The following PBX1 variants were observed in gnomAD, a reference collection of about 807,000 sequenced individuals.
PBX1 encodes the protein PBX homeobox 1, also known as pre-B-cell leukemia transcription factor 1.
Under a neutral mutation model 53.4 loss-of-function variants are expected in PBX1, and 6 were observed. The observed-to-expected ratio is 0.11, with a 90% CI of 0.06 to 0.22. PBX1 has a LOEUF of 0.22. Ranked by LOEUF, PBX1 falls within the 10% of genes least tolerant of loss-of-function variation. The pLI is 1.00. For missense variants in PBX1, 251 were observed against 551.4 expected, an observed-to-expected ratio of 0.46 and a Z score of 5.46; for synonymous variants, 204 against 212.3, an observed-to-expected ratio of 0.96 and a Z score of 0.34.
chr1:164,709,805 A>G (rs1663649391), intron 2 of PBX1, among the ~76,000 whole-genome samples: 1 of 152,232 alleles, frequency 6.6e-6, no homozygotes, highest in Non-Finnish European at 1.5e-5. Context: ...ATATTATTGC[A>G]GGAACATTAC....
intron 2 of PBX1, among the ~76,000 whole-genome samples, chr1:164,693,706 C>G (rs1662636554): frequency 6.6e-6 from 1 of 152,144 alleles, no homozygotes; most frequent in African/African-American, 2.4e-5. Flanking sequence ...TTTTGCTCTC[C>G]AGGTCCAGTG....
intron 2 of PBX1, among the ~76,000 whole-genome samples, chr1:164,741,786 A>G (rs1045265429): frequency 7.3e-6 from 1 of 136,960 alleles, no homozygotes; most frequent in African/African-American, 2.7e-5. Context: ...TGCTTGATTT[A>G]TAAACCACTG....
chr1:164,751,509 T>C (rs1173168156), intron 2 of PBX1, among the ~76,000 whole-genome samples: 1 of 151,842 alleles, frequency 6.6e-6, no homozygotes, highest in East Asian at 1.9e-4. Flanking sequence ...TTCTCACTAA[T>C]ATATTTGTTT....
chr1:164,781,017 G>A (rs1667910093), intron 2 of PBX1, among the ~76,000 whole-genome samples: 1 of 152,130 alleles, frequency 6.6e-6, no homozygotes, highest in Non-Finnish European at 1.5e-5. Context: ...TGTGTGTTCC[G>A]TGGCTCCTTG....
At chr1:164,827,304 A>C (rs1670516437) in intron 8 of PBX1, among the ~76,000 whole-genome samples, 1 of 152,222 alleles carries the variant, frequency 6.6e-6, no homozygotes, top group Non-Finnish European at 1.5e-5. Flanking sequence ...ACACAGTTTT[A>C]ATTCTTCTAT....
At chr1:164,597,776 C>A (rs1655868245) in intron 2 of PBX1, among the ~76,000 whole-genome samples, 1 of 151,950 alleles carries the variant, frequency 6.6e-6, no homozygotes, top group Non-Finnish European at 1.5e-5. Flanking sequence ...TAGGTTATAA[C>A]TCTGGGCCTT....
At chr1:164,745,505 A>T (rs1665845738) in intron 2 of PBX1, among the ~76,000 whole-genome samples, 2 of 152,234 alleles carry the variant, frequency 1.3e-5, no homozygotes, top group African/African-American at 4.8e-5. Flanking sequence ...GAACCTTTTA[A>T]ACATCACCAC....
chr1:164,703,204 G>A (rs12089801), intron 2 of PBX1: 39,463 of 151,828 alleles, frequency 0.26, 5,271 homozygotes, highest in African/African-American at 0.28. Flanking sequence ...ACTGAGTGTG[G>A]ACACCCAATT....
At chr1:164,681,177 C>T (rs568341646) in intron 2 of PBX1, among the ~76,000 whole-genome samples, 16 of 152,084 alleles carry the variant, frequency 1.1e-4, no homozygotes, top group Non-Finnish European at 1.8e-4. Context: ...CCCAGGAGTT[C>T]GAGGCTATAG....
intron 2 of PBX1, among the ~76,000 whole-genome samples, chr1:164,631,458 C>G (rs951909108): frequency 4.6e-5 from 7 of 152,160 alleles, no homozygotes; most frequent in African/African-American, 1.4e-4. Flanking sequence ...TAAAAACTCT[C>G]ACTCTGCATT....
At chr1:164,575,752 T>G (rs1168894538) in intron 2 of PBX1, among the ~76,000 whole-genome samples, 8 of 152,152 alleles carry the variant, frequency 5.3e-5, no homozygotes, top group Admixed American at 5.2e-4. Context: ...CAATGCACCC[T>G]GCTTACATTA....
At chr1:164,779,046 T>TC (rs1667808294) in intron 2 of PBX1, among the ~76,000 whole-genome samples, 1 of 151,028 alleles carries the variant, frequency 6.6e-6, no homozygotes, top group East Asian at 1.9e-4. Flanking sequence ...GAGATAATTT[T>TC]TTTTTTTTTT....
chr1:164,612,656 T>A (rs1657015097), intron 2 of PBX1, among the ~76,000 whole-genome samples: 1 of 152,226 alleles, frequency 6.6e-6, no homozygotes, highest in African/African-American at 2.4e-5. Flanking sequence ...CAAAAGATTC[T>A]AGACTGGAAA....
At chr1:164,750,756 C>G (rs1424808825) in intron 2 of PBX1, among the ~76,000 whole-genome samples, 1 of 152,100 alleles carries the variant, frequency 6.6e-6, no homozygotes, top group Non-Finnish European at 1.5e-5. Context: ...AGAACTAGTA[C>G]ATAAGATCTG....
At chr1:164,717,742 A>C (rs1342377222) in intron 2 of PBX1, among the ~76,000 whole-genome samples, 1 of 152,156 alleles carries the variant, frequency 6.6e-6, no homozygotes, top group Non-Finnish European at 1.5e-5. Context: ...AAGGCGTCAG[A>C]GGTAGAGCTC....
chr1:164,580,733 C>T lies in PBX1; in HGVS notation c.265+17422C>T, dbSNP rs531105996. On this transcript the variant is annotated intron_variant, in intron 2 of 8. Coordinates refer to ENST00000420696, the MANE Select transcript of PBX1 (RefSeq NM_002585.4). ...CTGGGATTACAGGAGCACGCCAACA[C>T]ACTTGGCTAATTTTTTTGTGTTTTT... 4.8e-4 allele frequency among the ~76,000 whole-genome samples: 73 copies of T among 152,038 alleles called. 1 individual carries two copies. Among genetic ancestry groups the T allele is most frequent in the Admixed American group, 3.3e-4 (5 of 15,258 alleles).
rs34214272 is a variant in PBX1, at chr1:164,652,873, C to CTT, written c.265+89575_265+89576dup. Among the ~76,000 whole-genome samples, 877 of 142,744 alleles carry CTT rather than the reference C, an allele frequency of 6.1e-3. 18 individuals are homozygous for CTT. The highest frequency in any genetic ancestry group is 0.042 in the South Asian group (189 of 4,474). The allele number at this position is 142,744 out of a possible 152,430, so 93.6% of individuals were successfully genotyped here. A position where few individuals can be genotyped will look rare whatever the true frequency, so the allele number is the denominator to read the frequency against. On this transcript the variant is annotated intron_variant, in intron 2 of 8. Coordinates refer to ENST00000420696, the MANE Select transcript of PBX1 (RefSeq NM_002585.4). Reference sequence around the variant, plus strand: ...CATAGTTTATTTTTGCCTGTTTAAACTTTTTTTTTTTTTTCGGACAGAGTC... The same window carrying CTT: ...CATAGTTTATTTTTGCCTGTTTAAACTTTTTTTTTTTTTTTTCGGACAGAGTC...
chr1:164,802,762 A>ACATT lies in PBX1; in HGVS notation c.701+2900_701+2903dup, dbSNP rs139103277. Among the ~76,000 whole-genome samples, 203 of 151,752 alleles carry ACATT rather than the reference A, an allele frequency of 1.3e-3. 1 individual carries two copies. The highest frequency in any genetic ancestry group is 3.5e-3 in the African/African-American group (145 of 41,444). On this transcript the variant is annotated intron_variant, in intron 4 of 8. Transcript: ENST00000420696. ...CGGAAGTTTAACTTAAAAATTCCAC[A>ACATT]CATTCATTCATTCATTCATTCATTC...
At chr1:164,584,949 A>C (rs1024971089) in intron 2 of PBX1, among the ~76,000 whole-genome samples, 2 of 152,144 alleles carry the variant, frequency 1.3e-5, no homozygotes, top group African/African-American at 4.8e-5. Context: ...CCTTTTGTCC[A>C]GTTTTCCTCC....
Sources: gnomAD v4.1 joint callset for allele counts (sites outside exome capture counted in the v4.1 genomes callset) on GRCh38, gnomAD v4.1.1 for gene constraint, MANE v1.5 for transcripts, NCBI Gene and HGNC (gene_info 2026-07-23, HGNC 2026-07-21) for gene names.